The following FRMD3 variants were observed in gnomAD, a reference collection of about 807,000 sequenced individuals.
FRMD3 encodes the protein FERM domain-containing protein 3.
A neutral mutation model predicts 70.2 loss-of-function variants in FRMD3; 33 were observed. The observed-to-expected ratio is 0.47, with a 90% CI of 0.36 to 0.63. The LOEUF (loss-of-function observed/expected upper bound fraction) is 0.63, where lower values mean the gene tolerates loss of function less well. Ranked by LOEUF, FRMD3 falls within the 20% of genes least tolerant of loss-of-function variation. The pLI is 0.00. For missense variants in FRMD3, 632 were observed against 711.4 expected, an observed-to-expected ratio of 0.89 and a Z score of 1.27; for synonymous variants, 279 against 255.9, an observed-to-expected ratio of 1.09 and a Z score of -0.86.
intron 13 of FRMD3, among the ~76,000 whole-genome samples, chr9:83,258,264 G>C (rs1291670915): frequency 2.0e-5 from 3 of 152,318 alleles, no homozygotes; most frequent in African/African-American, 7.2e-5. Flanking sequence ...AAAATATAGA[G>C]ACCTTTTCAG....
intron 13 of FRMD3, among the ~76,000 whole-genome samples, chr9:83,279,760 G>T (rs1833908895): frequency 6.7e-6 from 1 of 149,958 alleles, no homozygotes; most frequent in African/African-American, 2.5e-5. Flanking sequence ...AGAACACATG[G>T]ACACAGAGAG....
chr9:83,498,417 T>C (rs552208569), intron 1 of FRMD3, among the ~76,000 whole-genome samples: 2 of 152,342 alleles, frequency 1.3e-5, no homozygotes, highest in African/African-American at 4.8e-5. Flanking sequence ...CAAAGGTTTA[T>C]CCACTTTAAT....
chr9:83,345,137 T>C (rs370449695), intron 4 of FRMD3, among the ~76,000 whole-genome samples: 1 of 152,184 alleles, frequency 6.6e-6, no homozygotes, highest in East Asian at 1.9e-4. Flanking sequence ...TCCTTCACTG[T>C]ATCTTTGTCT....
intron 1 of FRMD3, among the ~76,000 whole-genome samples, chr9:83,450,347 G>GTTTTTTTTTTTTTT (rs763340189): frequency 2.7e-5 from 3 of 111,598 alleles, no homozygotes; most frequent in East Asian, 2.6e-4. Context: ...GTCACCCTCA[G>GTTTTTTTTTTTTTT]TTTTTTTTTT....
chr9:83,292,160 AC>A (rs1693980079), intron 12 of FRMD3, among the ~76,000 whole-genome samples: 1 of 92,406 alleles, frequency 1.1e-5, no homozygotes, highest in African/African-American at 3.4e-5. Context: ...ATTAATAAAT[AC>A]TTTTTTTTTT....
At chr9:83,259,121 C>A (rs1832863579) in intron 13 of FRMD3, among the ~76,000 whole-genome samples, 1 of 152,038 alleles carries the variant, frequency 6.6e-6, no homozygotes, top group Admixed American at 6.6e-5. Context: ...GTCGGGGATG[C>A]CAGACATGCT....
intron 6 of FRMD3, 127 bp from the exon 7 acceptor site, chr9:83,313,874 C>A: frequency 1.5e-6 from 1 of 666,306 alleles, no homozygotes; most frequent in Non-Finnish European, 2.6e-6. Context: ...AAATAGTAAT[C>A]AGTAAGACTG....
At chr9:83,313,034 T>C (rs1026395831) in intron 7 of FRMD3, among the ~76,000 whole-genome samples, 15 of 152,202 alleles carry the variant, frequency 9.9e-5, no homozygotes, top group African/African-American at 3.6e-4. Context: ...TAGTCTAATA[T>C]ATGGAAAGAA....
chr9:83,257,363 G>A (rs1832758011), intron 13 of FRMD3, among the ~76,000 whole-genome samples: 1 of 152,170 alleles, frequency 6.6e-6, no homozygotes, highest in South Asian at 2.1e-4. Context: ...ACACACTGGG[G>A]CCTGTCGGCA....
At chr9:83,424,030 G>A (rs1826728372) in intron 1 of FRMD3, among the ~76,000 whole-genome samples, 3 of 152,284 alleles carry the variant, frequency 2.0e-5, no homozygotes, top group Non-Finnish European at 4.4e-5. Flanking sequence ...CTTCTTGAAC[G>A]TTAATGTGCC....
At chr9:83,529,093 G>C (rs549117120) in intron 1 of FRMD3, among the ~76,000 whole-genome samples, 1 of 152,272 alleles carries the variant, frequency 6.6e-6, no homozygotes, top group Non-Finnish European at 1.5e-5. Context: ...TCTCACATAT[G>C]CTTCTTCATT....
chr9:83,579,754 G>A, the FRMD3 span, among the ~76,000 whole-genome samples: 1 of 152,020 alleles, frequency 6.6e-6, no homozygotes, highest in African/African-American at 2.4e-5. Context: ...GGCCCTGAAA[G>A]CTCAGGCCAC....
At chr9:83,426,386 G>C (rs1007678891) in intron 1 of FRMD3, among the ~76,000 whole-genome samples, 11 of 152,240 alleles carry the variant, frequency 7.2e-5, no homozygotes, top group Admixed American at 5.9e-4. Flanking sequence ...CACAATTCCT[G>C]TTCTCAAGAA....
intron 1 of FRMD3, among the ~76,000 whole-genome samples, chr9:83,497,143 A>C (rs542885542): frequency 6.6e-6 from 1 of 152,194 alleles, no homozygotes; most frequent in Non-Finnish European, 1.5e-5. Context: ...AAAATGTCAG[A>C]GTAATACCCA....
rs549866730 is a variant in FRMD3, at chr9:83,385,615, GC to G, written c.252+3988del. ...AAATCGAGTTGTAGGCAAACCACCAGCCCCCAAGGCAAAGGTAACTTTCACT... is the reference window on the plus strand; with the variant it reads ...AAATCGAGTTGTAGGCAAACCACCAGCCCCAAGGCAAAGGTAACTTTCACT... On this transcript the variant is annotated intron_variant, in intron 2 of 13. Coordinates refer to ENST00000304195, the MANE Select transcript of FRMD3 (RefSeq NM_174938.6). Among the ~76,000 whole-genome samples the G allele has an allele frequency of 3.7e-3, 558 of 152,140 alleles. 3 individuals carry two copies. Among genetic ancestry groups the G allele is most frequent in the African/African-American group, 0.012 (514 of 41,506 alleles).
intron 12 of FRMD3, among the ~76,000 whole-genome samples, chr9:83,296,089 T>C (rs1834651108): frequency 6.6e-6 from 1 of 152,210 alleles, no homozygotes; most frequent in Admixed American, 6.5e-5. Flanking sequence ...CATTGTAGAC[T>C]ATCACCTCTG....
intron 2 of FRMD3, among the ~76,000 whole-genome samples, chr9:83,376,812 T>C (rs1221907815): frequency 6.6e-6 from 1 of 152,030 alleles, no homozygotes; most frequent in East Asian, 1.9e-4. Context: ...TATATACATA[T>C]ATTTTGCAAA....
the FRMD3 span, among the ~76,000 whole-genome samples, chr9:83,563,722 GGAA>G: frequency 6.6e-6 from 1 of 152,110 alleles, no homozygotes; most frequent in Non-Finnish European, 1.5e-5. Flanking sequence ...TCTAAAGCCA[GGAA>G]GAAGATGTCT....
intron 3 of FRMD3, among the ~76,000 whole-genome samples, chr9:83,364,426 C>T (rs1261589631): frequency 3.9e-5 from 6 of 152,018 alleles, no homozygotes; most frequent in East Asian, 1.9e-4. Flanking sequence ...GCACAGTACA[C>T]GCGCCTGTAG....
Sources: allele counts gnomAD v4.1 joint callset (sites outside exome capture counted in the v4.1 genomes callset), GRCh38; gene constraint gnomAD v4.1.1; transcripts MANE v1.5; gene names NCBI Gene and HGNC (gene_info 2026-07-23, HGNC 2026-07-21).